Variants in GPAT4 observed in about 807,000 individuals in gnomAD.
GPAT4 encodes 1-AGP acyltransferase 6.
Under a neutral mutation model 58.0 loss-of-function variants are expected in GPAT4, and 17 were observed. The observed-to-expected ratio is 0.29, with a 90% confidence interval of 0.20 to 0.44. The LOEUF (loss-of-function observed/expected upper bound fraction) is 0.44, where lower values mean the gene tolerates loss of function less well. Among genes scored for constraint, GPAT4 ranks in the 20% least tolerant of loss-of-function variants. The pLI is 1.00. For synonymous variants in GPAT4, 204 were observed against 210.1 expected (o/e 0.97, Z 0.25); for missense variants, 377 against 574.5 (o/e 0.66, Z 3.51).
intron 2 of GPAT4, among the ~76,000 whole-genome samples, chr8:41,604,054 G>C (rs1325302091): frequency 7.7e-4 from 61 of 78,900 alleles, no homozygotes; most frequent in African/African-American, 2.9e-3. Context: ...TTTTTTTTTT[G>C]CCTTCTTCCT....
Position 41,610,899 on chromosome 8 carries a change from A to G in GPAT4, c.611+89A>G, listed in dbSNP as rs759029708. 167 of 1,337,948 alleles carry G rather than the reference A, an allele frequency of 1.2e-4. 1 individual carries two copies. The highest frequency in any genetic ancestry group is 6.3e-5 in the Non-Finnish European group (62 of 979,536). The allele number at this position is 1,337,948 out of a possible 1,614,324, so 82.9% of individuals were successfully genotyped here. On this transcript the variant is annotated intron_variant, in intron 5 of 12. Coordinates refer to ENST00000396987, the MANE Select transcript of GPAT4 (RefSeq NM_178819.4). ...CGAAGGCAAGGACACTTCTTTGGAC[A>G]CAACCAAAGCCATGGAATCTTAGAT...
chr8:41,589,374 GTGGGA>G (rs1160632914), intron 1 of GPAT4, among the ~76,000 whole-genome samples: 1 of 123,228 alleles, frequency 8.1e-6, no homozygotes, highest in Non-Finnish European at 1.8e-5. Context: ...ATGGGATGGG[GTGGGA>G]TGGGATGGGA....
intron 4 of GPAT4, chr8:41,610,201 A>T (rs1414521242): frequency 2.7e-5 from 37 of 1,358,702 alleles, no homozygotes; most frequent in Non-Finnish European, 3.4e-5. Context: ...ATGACAGCAA[A>T]CACAGGGACA....
chr8:41,615,019 G>A lies in GPAT4; in HGVS notation c.1024G>A (p.Gly342Arg). ...MMFKKGSFEI[G>R]ATVYPVAIKY... ...GTTCAAAAAGGGAAGTTTTGAAATT[G>A]GAGCCACAGTTTACCCTGTTGCTAT... Residue 342 changes from glycine to arginine, a missense_variant, in exon 10 of 13, where the codon GGA becomes AGA. Transcript: ENST00000396987. 6.2e-7 allele frequency: 1 copy of A among 1,614,024 alleles called. No homozygotes were observed. The highest frequency in any genetic ancestry group is 8.5e-7 in the Non-Finnish European group (1 of 1,179,886).
chr8:41,600,182 G>A lies in GPAT4; in HGVS notation c.165+878G>A, dbSNP rs1372759728. Among the ~76,000 whole-genome samples the A allele has an allele frequency of 2.0e-5, 3 of 151,908 alleles. No individual in the cohort carries two copies. The East Asian group carries it at 5.8e-4, about 29-fold the overall frequency. On this transcript the variant is annotated intron_variant, in intron 2 of 12. Coordinates refer to ENST00000396987, the MANE Select transcript of GPAT4 (RefSeq NM_178819.4). ...GCCTCCTGAGTAGCTGGGACTACAGGCCCATGCCACCACACCCGGCTATTT... is the reference window on the plus strand; with the variant it reads ...GCCTCCTGAGTAGCTGGGACTACAGACCCATGCCACCACACCCGGCTATTT...
Position 41,621,071 on chromosome 8 carries a change from G to GC in GPAT4, c.*75dup. The stretch of plus-strand genomic sequence containing the variant: ...GCTCAGAGCTGGAGTTGCCGCCGCC[G>GC]CCCCCACTGCTGTGTCCTTTCCAGA... On this transcript the variant is annotated 3_prime_UTR_variant, in exon 13 of 13. Coordinates refer to ENST00000396987, the MANE Select transcript of GPAT4 (RefSeq NM_178819.4). The GC allele has an allele frequency of 1.3e-6, 2 of 1,536,592 alleles. No homozygotes were observed. The highest frequency in any genetic ancestry group is 1.8e-6 in the Non-Finnish European group (2 of 1,138,402).
At chr8:41,607,871 A>T (rs952770130) in intron 2 of GPAT4, among the ~76,000 whole-genome samples, 3 of 152,200 alleles carry the variant, frequency 2.0e-5, no homozygotes, top group Non-Finnish European at 4.4e-5. Flanking sequence ...GTGCCAAAAC[A>T]GAGCCTGGCC....
intron 1 of GPAT4, among the ~76,000 whole-genome samples, chr8:41,581,390 G>A (rs766576827): frequency 6.6e-6 from 1 of 152,096 alleles, no homozygotes; most frequent in Non-Finnish European, 1.5e-5. Context: ...TTTGTAAACC[G>A]AAGATCTGCA....
At chr8:41,591,903 A>G (rs950183308) in intron 1 of GPAT4, among the ~76,000 whole-genome samples, 1 of 152,208 alleles carries the variant, frequency 6.6e-6, no homozygotes, top group Non-Finnish European at 1.5e-5. Flanking sequence ...AGCATTTCTC[A>G]TCTGAGTTTC....
chr8:41,586,477 C>T (rs978442247), intron 1 of GPAT4, among the ~76,000 whole-genome samples: 1 of 152,136 alleles, frequency 6.6e-6, no homozygotes, highest in South Asian at 2.1e-4. Context: ...AACCATTCTC[C>T]GAGCTGCACT....
At chr8:41,597,032 C>G (rs1336389480) in intron 1 of GPAT4, among the ~76,000 whole-genome samples, 2 of 152,126 alleles carry the variant, frequency 1.3e-5, no homozygotes, top group Non-Finnish European at 2.9e-5. Context: ...TTTCACGATG[C>G]TTTTCCATAC....
intron 2 of GPAT4, among the ~76,000 whole-genome samples, chr8:41,603,604 C>T (rs1803167690): frequency 6.6e-6 from 1 of 151,438 alleles, no homozygotes; most frequent in African/African-American, 2.4e-5. Flanking sequence ...TTTTTAAAAG[C>T]TCCCCAGGGT....
chr8:41,580,292 A>G (rs556470036), intron 1 of GPAT4, among the ~76,000 whole-genome samples: 12 of 152,176 alleles, frequency 7.9e-5, no homozygotes, highest in African/African-American at 2.9e-4. Flanking sequence ...GATAACATTC[A>G]CGGCTATTTA....
chr8:41,607,323 TG>T (rs1214037509), intron 2 of GPAT4, among the ~76,000 whole-genome samples: 1 of 152,210 alleles, frequency 6.6e-6, no homozygotes, highest in Non-Finnish European at 1.5e-5. Context: ...GCCAAAGGGA[TG>T]TTTATTACTG....
At chr8:41,620,066 G>T (rs1380640384) in intron 12 of GPAT4, among the ~76,000 whole-genome samples, 1 of 152,228 alleles carries the variant, frequency 6.6e-6, no homozygotes, top group Non-Finnish European at 1.5e-5. Flanking sequence ...GAGCTTGAAG[G>T]TTTAACTTCT....
intron 1 of GPAT4, among the ~76,000 whole-genome samples, chr8:41,591,232 A>G (rs768467203): frequency 5.9e-5 from 9 of 152,194 alleles, no homozygotes; most frequent in South Asian, 2.1e-4. Context: ...TCTGAAATCT[A>G]TAGATAACAC....
At chr8:41,616,664 C>T (rs1803603374) in intron 10 of GPAT4, among the ~76,000 whole-genome samples, 1 of 152,098 alleles carries the variant, frequency 6.6e-6, no homozygotes, top group Non-Finnish European at 1.5e-5. Context: ...CTGTGGCGGC[C>T]ACAGTTCTGA....
intron 1 of GPAT4, among the ~76,000 whole-genome samples, chr8:41,581,701 T>C (rs1025554907): frequency 1.4e-5 from 2 of 147,928 alleles, no homozygotes; most frequent in Admixed American, 6.9e-5. Context: ...CAATCTCGGC[T>C]CACTGCAAGC....
At chr8:41,620,539 C>T (rs1803719172) in intron 12 of GPAT4, among the ~76,000 whole-genome samples, 1 of 152,194 alleles carries the variant, frequency 6.6e-6, no homozygotes, top group Non-Finnish European at 1.5e-5. Context: ...TTTCTTAAAG[C>T]ATGTCTACCT....
Sources: allele counts gnomAD v4.1 joint callset (sites outside exome capture counted in the v4.1 genomes callset), GRCh38; gene constraint gnomAD v4.1.1; transcripts MANE v1.5; gene names NCBI Gene and HGNC (gene_info 2026-07-23, HGNC 2026-07-21).